The following C14orf93 variants were observed in gnomAD, a reference collection of about 807,000 sequenced individuals.
C14orf93 encodes the protein chromosome 14 open reading frame 93.
In C14orf93, 23 loss-of-function variants were observed where a neutral mutation model predicts 44.0. That is an observed-to-expected ratio of 0.52 (90% CI 0.38 to 0.74). C14orf93 has a LOEUF of 0.74. C14orf93 is among the 30% of genes least tolerant of loss of function. The probability of loss-of-function intolerance (pLI) is 0.00; values close to 1 mark genes in which losing one functional copy is unlikely to be tolerated. For synonymous variants in C14orf93, 253 were observed against 265.7 expected, an observed-to-expected ratio of 0.95 and a Z score of 0.46; for missense variants, 579 against 678.9, an observed-to-expected ratio of 0.85 and a Z score of 1.64.
chr14:23,003,576 G>C (rs2046413361), intron 1 of C14orf93, among the ~76,000 whole-genome samples: 1 of 151,936 alleles, frequency 6.6e-6, no homozygotes, highest in African/African-American at 2.4e-5. Context: ...GTCACCTGAG[G>C]TCAGTTCGAG....
chr14:22,998,334 G>C, intron 2 of C14orf93, 93 bp downstream of exon 2: 2 of 1,412,524 alleles, frequency 1.4e-6, no homozygotes, highest in South Asian at 1.6e-5. Context: ...ACAAACAAAA[G>C]GTTTAAAGAT....
chr14:22,987,807 T>G lies in C14orf93; in HGVS notation c.1197+96A>C. Reference sequence around the variant, plus strand: ...TTCTCTATCTTCCTACATTCCTGGCTCTCAACCCTATTCTCATATGCCATG... The same window carrying G: ...TTCTCTATCTTCCTACATTCCTGGCGCTCAACCCTATTCTCATATGCCATG... On this transcript the variant is annotated intron_variant, in intron 6 of 6. Coordinates refer to ENST00000299088, the MANE Select transcript of C14orf93 (RefSeq NM_021944.4). This position sits in a 1 kb window ranked among gnomAD's most constrained non-coding sequence, Gnocchi z 5.6. The G allele has an allele frequency of 8.0e-7, 1 of 1,243,894 alleles. No individual in the cohort carries two copies. The allele number at this position is 1,243,894 out of a possible 1,614,324, so 77.1% of individuals were successfully genotyped here.
intron 2 of C14orf93, among the ~76,000 whole-genome samples, chr14:22,997,454 G>T (rs1213600396): frequency 6.6e-6 from 1 of 152,196 alleles, no homozygotes; most frequent in African/African-American, 2.4e-5. Flanking sequence ...GACAGACGGA[G>T]AATAAGGTGG....
At chr14:22,990,975 C>T (rs1375220892) in intron 3 of C14orf93, among the ~76,000 whole-genome samples, 1 of 149,932 alleles carries the variant, frequency 6.7e-6, no homozygotes. Flanking sequence ...CCTGCCACCA[C>T]GTCCGGCTAA....
At chr14:22,993,123 G>T (rs2045762794) in intron 3 of C14orf93, among the ~76,000 whole-genome samples, 2 of 152,188 alleles carry the variant, frequency 1.3e-5, no homozygotes, top group Non-Finnish European at 2.9e-5. Context: ...CAGGTGATCT[G>T]CCCGCCTTGG....
In C14orf93 at chr14:22,998,667, G is replaced by A. The variant is rs1272858434; in HGVS notation, c.357C>T (p.Ser119=). 1 of 1,614,010 alleles carries A rather than the reference G, an allele frequency of 6.2e-7. No individual in the cohort carries two copies. The highest frequency in any genetic ancestry group is 8.5e-7 in the Non-Finnish European group (1 of 1,179,958). The change falls in exon 2 of 7, where the codon TCC becomes TCT. Residue 119 remains serine (S), a synonymous_variant. Coordinates refer to ENST00000299088, the MANE Select transcript of C14orf93 (RefSeq NM_021944.4). ...DEDGESRAHS[S]PPEEPGPLKE... ...TGAGAGGCCCAGGCTCCTCAGGTGG[G>A]GAACTATGTGCCCGGCTTTCCCCAT...
intron 1 of C14orf93, chr14:23,007,160 G>T (rs2046664928): frequency 6.6e-6 from 1 of 152,258 alleles, no homozygotes; most frequent in Admixed American, 6.5e-5. Context: ...GCTACCGCGC[G>T]CACGCGGGGA....
At chr14:23,002,047 G>T (rs1237617561) in intron 1 of C14orf93, among the ~76,000 whole-genome samples, 1 of 151,334 alleles carries the variant, frequency 6.6e-6, no homozygotes, top group Non-Finnish European at 1.5e-5. Context: ...TACTCTGGAG[G>T]CTGAGGCAGG....
chr14:22,990,392 A>G (rs1336929294), intron 3 of C14orf93, among the ~76,000 whole-genome samples: 2 of 152,038 alleles, frequency 1.3e-5, no homozygotes, highest in Non-Finnish European at 2.9e-5. Context: ...AAACATTTCC[A>G]TGAACATACC....
rs1314673254 is a variant in C14orf93 at position 22,989,819 on chromosome 14, A to G, written c.1007T>C (p.Val336Ala). The part of the protein sequence containing the change: ...ESIKSSWNIS[V>A]VKFLLEKLKQ... ...GAGCTTTTCCAGAAGAAACTTCACT[A>G]CTGAAATATTCCAAGAGGACTTGAT... Residue 336 changes from valine (V) to alanine (A), a missense_variant, in exon 5 of 7, where the codon GTA (valine) becomes GCA (alanine). Physicochemically the swap from Val to Ala is moderately conservative, Grantham distance 64. Transcript: ENST00000299088. 1.2e-6 allele frequency: 2 copies of G among 1,613,944 alleles called. No individual in the cohort carries two copies. Among genetic ancestry groups the G allele is most frequent in the Non-Finnish European group, 1.7e-6 (2 of 1,179,914 alleles).
chr14:23,007,097 G>T (rs1171497432), intron 1 of C14orf93: 1 of 152,274 alleles, frequency 6.6e-6, no homozygotes, highest in East Asian at 1.9e-4. Context: ...AGGCAGAGGC[G>T]GAGGCGGGCG....
intron 1 of C14orf93, among the ~76,000 whole-genome samples, chr14:23,001,839 TAAAAAAAAAAAAA>T (rs780256403): frequency 2.2e-4 from 13 of 59,588 alleles, no homozygotes; most frequent in African/African-American, 7.4e-4. Context: ...TACTGCAGGT[TAAAAAAAAAAAAA>T]AAAAAAAAAA....
Position 22,990,139 on chromosome 14 carries a change from A to G in C14orf93, c.919-12T>C. The G allele has an allele frequency of 6.2e-7, 1 of 1,609,030 alleles. No individual in the cohort carries two copies. The highest frequency in any genetic ancestry group is 8.5e-7 in the Non-Finnish European group (1 of 1,176,520). On this transcript the variant is annotated splice_polypyrimidine_tract_variant and intron_variant, in intron 3 of 6. Transcript: ENST00000299088. The stretch of plus-strand genomic sequence containing the variant: ...TTGTGGACCAGTTTCTAGGAGGAAA[A>G]AAAGAAAACACAATCAAGCCAAGAG...
chr14:22,991,669 C>T (rs1314292369), intron 3 of C14orf93, among the ~76,000 whole-genome samples: 2 of 151,138 alleles, frequency 1.3e-5, no homozygotes, highest in Non-Finnish European at 2.9e-5. Context: ...CTCCCGGGTT[C>T]AAGCAATTCT....
rs1309656841 is a variant in C14orf93 at position 22,990,114 on chromosome 14, T to C, written c.932A>G (p.Asn311Ser). Residue 311 changes from asparagine to serine, a missense_variant, in exon 4 of 7, where the codon AAT becomes AGT. Transcript: ENST00000299088. ...RDLVLSKLVH[N>S]VHNHITNDKR... ...GTCATTGGTGATGTGGTTATGCACATTGTGGACCAGTTTCTAGGAGGAAAA... is the reference window on the plus strand; with the variant it reads ...GTCATTGGTGATGTGGTTATGCACACTGTGGACCAGTTTCTAGGAGGAAAA... 3.1e-6 allele frequency: 5 copies of C among 1,613,578 alleles called. No individual in the cohort carries two copies. The South Asian group carries it at 5.5e-5, about 18-fold the overall frequency.
At position 22,986,083 on chromosome 14, in the gene C14orf93, ACT is replaced by A. The variant is rs1426347217; in HGVS notation, c.*1130_*1131del. ...TGCAGTAGAACTGGACCTTGTCTGTACTCTCTCTTGCCCCTGGACTTTTGTAC... is the reference window on the plus strand; with the variant it reads ...TGCAGTAGAACTGGACCTTGTCTGTACTCTCTTGCCCCTGGACTTTTGTAC... On this transcript the variant is annotated 3_prime_UTR_variant, in exon 7 of 7. Transcript: ENST00000299088. 12 of 151,924 alleles carry A rather than the reference ACT, an allele frequency of 7.9e-5. No homozygotes were observed. Among genetic ancestry groups the A allele is most frequent in the Non-Finnish European group, 1.2e-4 (8 of 68,014 alleles). 9.4% of individuals were successfully genotyped at this position (151,924 alleles called of 1,614,324 possible).
In C14orf93 at chr14:22,987,164, T is replaced by C; in HGVS notation, c.*51A>G. ...TTTGTGAAGCCCCATGGCCACCTAT[T>C]TCTGAGACATGGGGCATGGCGGAAG... On this transcript the variant is annotated 3_prime_UTR_variant, in exon 7 of 7. Transcript: ENST00000299088. This position sits in a 1 kb window ranked among gnomAD's most constrained non-coding sequence, Gnocchi z 5.6. 6.6e-7 allele frequency: 1 copy of C among 1,521,694 alleles called. No individual in the cohort carries two copies. Among genetic ancestry groups the C allele is most frequent in the South Asian group, 1.3e-5 (1 of 79,054 alleles). 94.3% of individuals were successfully genotyped at this position (1,521,694 alleles called of 1,614,324 possible).
intron 1 of C14orf93, chr14:23,006,742 T>TACGGGAAAGGCGATCGCAGCGAC (rs2046635199): frequency 6.6e-6 from 1 of 152,274 alleles, no homozygotes; most frequent in Non-Finnish European, 1.5e-5. Flanking sequence ...GTGATTCAGC[T>TACGGGAAAGGCGATCGCAGCGAC]ACGGGAAAGG....
chr14:22,998,156 G>A (rs1262699206), intron 2 of C14orf93: 1 of 402,220 alleles, frequency 2.5e-6, no homozygotes, highest in Non-Finnish European at 4.4e-6. Flanking sequence ...GACAGCTGTG[G>A]AAGAGAAGGT....
Sources: allele counts gnomAD v4.1 joint callset (sites outside exome capture counted in the v4.1 genomes callset), GRCh38; gene constraint gnomAD v4.1.1; non-coding constraint Gnocchi (gnomAD v3.1); transcripts MANE v1.5; gene names NCBI Gene and HGNC (gene_info 2026-07-23, HGNC 2026-07-21).